MPHOSPH6: variants seen among roughly 807,000 people sequenced by gnomAD.
MPHOSPH6 encodes the protein M-phase phosphoprotein 6.
Under a neutral mutation model 21.8 loss-of-function variants are expected in MPHOSPH6, and 25 were observed. The ratio of observed to expected loss-of-function variants is 1.15; its 90% confidence interval spans 0.83 to 1.60. MPHOSPH6 has a LOEUF of 1.60. MPHOSPH6 is among the 40% of genes most tolerant of loss of function. MPHOSPH6 has a pLI of 0.00. For missense variants in MPHOSPH6, 269 were observed against 181.8 expected, an observed-to-expected ratio of 1.48 and a Z score of -2.76; for synonymous variants, 84 against 56.5, an observed-to-expected ratio of 1.49 and a Z score of -2.18.
Position 82,148,832 on chromosome 16 carries a change from T to G in MPHOSPH6, c.382A>C (p.Lys128Gln). ...YETLVGTIGK[K>Q]FARKRDHANY... is the part of the protein sequence containing the mutation. ...GCATGGTCTCTCTTTCTGGCAAACT[T>G]TTTCCCAATTGTCCCCACCAAGGTC... The change falls in exon 5 of 5, where the codon AAG (lysine) becomes CAG (glutamine). Residue 128 changes from lysine to glutamine, a missense_variant. Transcript: ENST00000258169. 6.2e-7 allele frequency: 1 copy of G among 1,614,126 alleles called. No homozygotes were observed. The highest frequency in any genetic ancestry group is 8.5e-7 in the Non-Finnish European group (1 of 1,180,014).
At chr16:82,155,746 A>C (rs969685620) in intron 2 of MPHOSPH6, among the ~76,000 whole-genome samples, 4 of 152,136 alleles carry the variant, frequency 2.6e-5, no homozygotes, top group Admixed American at 2.6e-4. Context: ...TCTACTAAAA[A>C]TACAAAAATT....
chr16:82,150,865 A>G (rs986035382), intron 3 of MPHOSPH6, among the ~76,000 whole-genome samples: 2 of 152,226 alleles, frequency 1.3e-5, no homozygotes, highest in Non-Finnish European at 2.9e-5. Context: ...GGCTTTTAAC[A>G]TATGAGCCAG....
At chr16:82,151,324 A>G (rs1385973308) in intron 3 of MPHOSPH6, 100 bp downstream of exon 3, 2 of 1,473,374 alleles carry the variant, frequency 1.4e-6, no homozygotes, top group Non-Finnish European at 1.9e-6. Flanking sequence ...CTATATAATG[A>G]GTAGAAATGG....
At chr16:82,161,490 A>G (rs1906606525) in intron 2 of MPHOSPH6, among the ~76,000 whole-genome samples, 1 of 152,242 alleles carries the variant, frequency 6.6e-6, no homozygotes, top group Admixed American at 6.5e-5. Flanking sequence ...CTCTTTCTGG[A>G]CCATATCCTT....
chr16:82,158,029 T>C (rs1202722940), intron 2 of MPHOSPH6, among the ~76,000 whole-genome samples: 2 of 152,164 alleles, frequency 1.3e-5, no homozygotes, highest in Admixed American at 6.5e-5. Context: ...GATACCAGAC[T>C]ACCCTGGTAG....
At chr16:82,164,284 CTTCAT>C (rs1906695393) in intron 1 of MPHOSPH6, 90 bp from the exon 2 acceptor site, 7 of 782,764 alleles carry the variant, frequency 8.9e-6, no homozygotes, top group African/African-American at 1.7e-5. Context: ...ACTTGTTCTC[CTTCAT>C]TTATCTATGG....
chr16:82,158,531 C>T (rs940297430), intron 2 of MPHOSPH6, among the ~76,000 whole-genome samples: 1 of 146,326 alleles, frequency 6.8e-6, no homozygotes, highest in Non-Finnish European at 1.5e-5. Flanking sequence ...AAAGATACTT[C>T]ATCATAGTCA....
intron 1 of MPHOSPH6, among the ~76,000 whole-genome samples, chr16:82,166,685 C>T (rs1243442828): frequency 6.6e-6 from 1 of 152,178 alleles, no homozygotes; most frequent in Non-Finnish European, 1.5e-5. Context: ...TGAACCTAGA[C>T]CTATCTTATT....
chr16:82,169,838 T>A (rs2911429), intron 1 of MPHOSPH6, among the ~76,000 whole-genome samples: 1 of 152,052 alleles, frequency 6.6e-6, no homozygotes, highest in African/African-American at 2.4e-5. Context: ...GTCCCCAAGG[T>A]CCCCAGCGCT....
chr16:82,169,452 C>G (rs554851314), intron 1 of MPHOSPH6, among the ~76,000 whole-genome samples: 60 of 152,310 alleles, frequency 3.9e-4, no homozygotes, highest in African/African-American at 1.4e-3. Context: ...GTTCTGCCAG[C>G]AGACTGTCTT....
In MPHOSPH6 at chr16:82,168,015, T is replaced by C. The variant is rs116570011; in HGVS notation, c.51+2110A>G. Among the ~76,000 whole-genome samples the C allele has an allele frequency of 3.4e-3, 512 of 152,304 alleles. 2 individuals carry two copies. The highest frequency in any genetic ancestry group is 0.012 in the African/African-American group (482 of 41,564). ...GTCTCCTGCTATCTTGCCAGTAAGT[T>C]TTTTCTTATCAATGACCAAAGCTGC... On this transcript the variant is annotated intron_variant, in intron 1 of 4. Coordinates refer to ENST00000258169, the MANE Select transcript of MPHOSPH6 (RefSeq NM_005792.2).
rs115996254 is a variant in MPHOSPH6 at position 82,168,080 on chromosome 16, C to T, written c.51+2045G>A. 9.7e-3 allele frequency among the ~76,000 whole-genome samples: 1,483 copies of T among 152,248 alleles called. 22 individuals are homozygous for T. Among genetic ancestry groups the T allele is most frequent in the African/African-American group, 0.034 (1,412 of 41,560 alleles). On this transcript the variant is annotated intron_variant, in intron 1 of 4. Coordinates refer to ENST00000258169, the MANE Select transcript of MPHOSPH6 (RefSeq NM_005792.2). ...AATGTGGGTGATCTTTTTCCTTCTC[C>T]TTTGCTTCCAACGTCCAGTTGAGTC...
chr16:82,157,199 A>G (rs899365512), intron 2 of MPHOSPH6, among the ~76,000 whole-genome samples: 2 of 152,224 alleles, frequency 1.3e-5, no homozygotes, highest in African/African-American at 4.8e-5. Context: ...ATCTAACTCC[A>G]AATGTTGAAC....
intron 2 of MPHOSPH6, among the ~76,000 whole-genome samples, chr16:82,161,859 A>T (rs1567614850): frequency 1.3e-5 from 2 of 152,206 alleles, no homozygotes; most frequent in African/African-American, 2.4e-5. Flanking sequence ...CAGTGTTAAC[A>T]CTGAATAGCC....
rs995772393 is a variant in MPHOSPH6 at position 82,153,560 on chromosome 16, A to C, written c.165-2046T>G. 2.6e-5 allele frequency among the ~76,000 whole-genome samples: 4 copies of C among 152,156 alleles called. No homozygotes were observed. The South Asian group carries it at 8.3e-4, about 32-fold the overall frequency. On this transcript the variant is annotated intron_variant, in intron 2 of 4. Coordinates refer to ENST00000258169, the MANE Select transcript of MPHOSPH6 (RefSeq NM_005792.2). ...TTGAAAAAAATAAAGGCACAAACTGAAGTTTGGGGTTATGGTGGTGGCTGG... is the reference window on the plus strand; with the variant it reads ...TTGAAAAAAATAAAGGCACAAACTGCAGTTTGGGGTTATGGTGGTGGCTGG...
Position 82,164,158 on chromosome 16 carries a change from G to T in MPHOSPH6, c.88C>A (p.Gln30Lys). 1 of 1,611,500 alleles carries T rather than the reference G, an allele frequency of 6.2e-7. No individual in the cohort carries two copies. The highest frequency in any genetic ancestry group is 8.5e-7 in the Non-Finnish European group (1 of 1,179,874). Residue 30 changes from glutamine (Q) to lysine (K), a missense_variant, in exon 2 of 5, where the codon CAA becomes AAA. By Grantham distance (53) the Gln-to-Lys change is moderately conservative (BLOSUM62 1). Transcript: ENST00000258169. ...QRGLDSETKK[Q>K]LEEEEKKIIS... ...ATTTTCTTTTCTTCTTCTTCTAGTT[G>T]TTTCTTGGTTTCTGAGTCCAGTCCC...
At chr16:82,149,037 C>A (rs1906178297) in intron 4 of MPHOSPH6, among the ~76,000 whole-genome samples, 174 bp from the exon 5 acceptor site, 1 of 152,202 alleles carries the variant, frequency 6.6e-6, no homozygotes, top group Non-Finnish European at 1.5e-5. Flanking sequence ...TGATTAAATT[C>A]CTTGCCATTT....
chr16:82,153,064 T>G (rs1280153728), intron 2 of MPHOSPH6, among the ~76,000 whole-genome samples: 1 of 152,000 alleles, frequency 6.6e-6, no homozygotes, highest in African/African-American at 2.4e-5. Context: ...GAAGTGGAAG[T>G]TGCAATGAGT....
rs189294574 is a variant in MPHOSPH6, at chr16:82,152,251, T to C, written c.165-737A>G. Among the ~76,000 whole-genome samples, 42 of 152,312 alleles carry C rather than the reference T, an allele frequency of 2.8e-4. No individual in the cohort carries two copies. The East Asian group carries it at 7.5e-3, about 27-fold the overall frequency. ...TAGTTTTTGGGGAACAGGTGGTTTT[T>C]TGGTTACATGGATAAGTTCTTTAGT... is the stretch of plus-strand genomic sequence containing the variant. On this transcript the variant is annotated intron_variant, in intron 2 of 4. Coordinates refer to ENST00000258169, the MANE Select transcript of MPHOSPH6 (RefSeq NM_005792.2).
Sources: gnomAD v4.1 joint callset for allele counts (sites outside exome capture counted in the v4.1 genomes callset) on GRCh38, gnomAD v4.1.1 for gene constraint, MANE v1.5 for transcripts, NCBI Gene and HGNC (gene_info 2026-07-23, HGNC 2026-07-21) for gene names.